MBP: variants seen among roughly 807,000 people sequenced by gnomAD.
MBP encodes myelin basic protein.
Under a neutral mutation model 35.8 loss-of-function variants are expected in MBP, and 16 were observed. The ratio of observed to expected loss-of-function variants is 0.45; its 90% CI spans 0.30 to 0.68. The LOEUF (loss-of-function observed/expected upper bound fraction) is 0.68, where lower values mean the gene tolerates loss of function less well. Among genes scored for constraint, MBP ranks in the 30% least tolerant of loss-of-function variants. The probability of loss-of-function intolerance (pLI) is 0.08; values close to 1 mark genes in which losing one functional copy is unlikely to be tolerated. For synonymous variants in MBP, 143 were observed against 159.6 expected (o/e 0.90, Z 0.78); for missense variants, 380 against 404.7 (o/e 0.94, Z 0.52).
intron 1 of MBP, among the ~76,000 whole-genome samples, chr18:77,129,501 C>A (rs568138696): frequency 6.6e-6 from 1 of 152,350 alleles, no homozygotes; most frequent in African/African-American, 2.4e-5. Flanking sequence ...TAATGTGTAT[C>A]TCCACCTGCT....
chr18:77,121,309 C>CAAAA (rs11331748), intron 1 of MBP, among the ~76,000 whole-genome samples: 1 of 143,748 alleles, frequency 7.0e-6, no homozygotes, highest in South Asian at 2.2e-4. Context: ...GACTGTGTCT[C>CAAAA]AAAAAAAAAA....
intron 4 of MBP, among the ~76,000 whole-genome samples, chr18:77,008,273 A>C (rs1328872421): frequency 1.3e-5 from 2 of 152,084 alleles, no homozygotes; most frequent in Admixed American, 1.3e-4. Flanking sequence ...CCTCCCAGGC[A>C]GGGGCTGGTG....
At position 77,029,038 on chromosome 18, in the gene MBP, A is replaced by T. The variant is rs1246672560; in HGVS notation, c.140-11770T>A. Among the ~76,000 whole-genome samples, 360 of 106,784 alleles carry T rather than the reference A, an allele frequency of 3.4e-3. 65 individuals carry two copies. The highest frequency in any genetic ancestry group is 6.6e-3 in the Non-Finnish European group (277 of 41,820). The allele number at this position is 106,784 out of a possible 152,430, so 70.1% of individuals were successfully genotyped here. ...GCCGGGCAGAGGCTGCAATCTCGGCACTTTGGGAGGCCAAGGCAGGCGGCT... is the reference window on the plus strand; with the variant it reads ...GCCGGGCAGAGGCTGCAATCTCGGCTCTTTGGGAGGCCAAGGCAGGCGGCT... On this transcript the variant is annotated intron_variant, in intron 3 of 8. Transcript: ENST00000355994.
intron 3 of MBP, among the ~76,000 whole-genome samples, chr18:77,037,176 A>C (rs1212714281): frequency 6.8e-6 from 1 of 148,138 alleles, no homozygotes; most frequent in Non-Finnish European, 1.5e-5. Flanking sequence ...AGAGCTGAGC[A>C]AGTGCTGGTC....
At chr18:77,018,957 TATCCATTCATCCATCCATCCATCCATCC>T (rs1971849159) in intron 3 of MBP, among the ~76,000 whole-genome samples, 2 of 61,118 alleles carry the variant, frequency 3.3e-5, no homozygotes, top group African/African-American at 6.7e-5. Flanking sequence ...TCCATCCATC[TATCCATTCATCCATCCATCCATCCATCC>T]ATCCATCCAT....
chr18:77,062,619 C>T (rs962942408), intron 3 of MBP, among the ~76,000 whole-genome samples: 1 of 152,024 alleles, frequency 6.6e-6, no homozygotes, highest in Non-Finnish European at 1.5e-5. Flanking sequence ...ACATGAAGGG[C>T]AAATAAAACT....
intron 2 of MBP, among the ~76,000 whole-genome samples, chr18:77,089,294 T>G (rs1395103189): frequency 6.6e-6 from 1 of 152,210 alleles, no homozygotes; most frequent in Non-Finnish European, 1.5e-5. Flanking sequence ...GTGTCAGATG[T>G]CAAGTGTGCG....
At chr18:77,083,353 G>A (rs1033200437) in intron 2 of MBP, among the ~76,000 whole-genome samples, 7 of 152,144 alleles carry the variant, frequency 4.6e-5, no homozygotes, top group African/African-American at 1.7e-4. Flanking sequence ...AAATTACAAC[G>A]ACGTCCAGGA....
intron 2 of MBP, among the ~76,000 whole-genome samples, chr18:77,078,589 T>C (rs1432076018): frequency 3.9e-5 from 6 of 152,240 alleles, no homozygotes; most frequent in African/African-American, 1.2e-4. Context: ...CGAAGCCGTC[T>C]TCCCATGAGG....
intron 4 of MBP, chr18:77,012,684 G>T: frequency 1.6e-6 from 1 of 630,024 alleles, no homozygotes; most frequent in Non-Finnish European, 2.0e-6. Flanking sequence ...CCTGCCAGCT[G>T]TGTCACCAGG....
chr18:77,101,751 G>C lies in MBP; in HGVS notation c.51+3460C>G, dbSNP rs1015892903. Among the ~76,000 whole-genome samples the C allele has an allele frequency of 6.6e-6, 1 of 152,158 alleles. No individual in the cohort carries two copies. The highest frequency in any genetic ancestry group is 1.5e-5 in the Non-Finnish European group (1 of 68,040). The stretch of plus-strand genomic sequence containing the variant: ...GCCGTGGCTTATTCGGGATGAGAGA[G>C]AAGCAAATTTCAAAGCCCTGAGTCA... On this transcript the variant is annotated intron_variant, in intron 2 of 8. Coordinates refer to ENST00000355994, the MANE Select transcript of MBP (RefSeq NM_001025101.2). This position sits in a 1 kb window ranked among gnomAD's most constrained non-coding sequence, Gnocchi z 4.3.
intron 3 of MBP, among the ~76,000 whole-genome samples, chr18:77,032,743 C>T (rs1455103173): frequency 6.6e-6 from 1 of 152,212 alleles, no homozygotes; most frequent in Non-Finnish European, 1.5e-5. Flanking sequence ...GTGAATTTCA[C>T]AGTGACTTGT....
chr18:76,979,594 C>T lies in MBP; in HGVS notation c.*833G>A, dbSNP rs1461517100. The T allele has an allele frequency of 1.8e-5, 5 of 275,236 alleles. No homozygotes were observed. The highest frequency in any genetic ancestry group is 4.7e-5 in the South Asian group (1 of 21,340). 17.0% of individuals were successfully genotyped at this position (275,236 alleles called of 1,614,324 possible). On this transcript the variant is annotated 3_prime_UTR_variant, in exon 9 of 9. Coordinates refer to ENST00000355994, the MANE Select transcript of MBP (RefSeq NM_001025101.2). Reference sequence around the variant, plus strand: ...CCGGCTGTGGGCTGTGGTTTGGAAACGAGGTTGTTCATAGAGGCTGCTCTG... The same window carrying T: ...CCGGCTGTGGGCTGTGGTTTGGAAATGAGGTTGTTCATAGAGGCTGCTCTG...
chr18:77,078,047 C>T (rs918818611), intron 2 of MBP, among the ~76,000 whole-genome samples: 2 of 152,196 alleles, frequency 1.3e-5, no homozygotes, highest in African/African-American at 4.8e-5. Context: ...CCGCCATGGG[C>T]CTCCTTATCT....
At chr18:77,013,330 T>A in intron 4 of MBP, 1 of 985,432 alleles carries the variant, frequency 1.0e-6, no homozygotes, top group Non-Finnish European at 1.2e-6. Flanking sequence ...AGGACACCCC[T>A]GTGTGTTGCT....
rs58618620 is a variant in MBP, at chr18:77,018,964, T to TCATCCATCCATCCATC, written c.140-1712_140-1697dup. Among the ~76,000 whole-genome samples the TCATCCATCCATCCATC allele has an allele frequency of 1.0e-3, 128 of 122,572 alleles. 3 individuals are homozygous for TCATCCATCCATCCATC. The highest frequency in any genetic ancestry group is 5.0e-3 in the East Asian group (20 of 4,016). 80.4% of individuals were successfully genotyped at this position (122,572 alleles called of 152,430 possible). The stretch of plus-strand genomic sequence containing the variant: ...CCTGTTCATCCATCCATCTATCCAT[T>TCATCCATCCATCCATC]CATCCATCCATCCATCCATCCATCC... On this transcript the variant is annotated intron_variant, in intron 3 of 8. Coordinates refer to ENST00000355994, the MANE Select transcript of MBP (RefSeq NM_001025101.2).
At chr18:77,004,746 G>C (rs1001760703) in intron 4 of MBP, 1 of 152,414 alleles carries the variant, frequency 6.6e-6, no homozygotes, top group Non-Finnish European at 1.5e-5. Flanking sequence ...TTGTGTGTGT[G>C]GTTTCCCTTC....
At chr18:77,109,543 G>A (rs7244713) in intron 1 of MBP, 29,503 of 152,256 alleles carry the variant, frequency 0.19, 3,119 homozygotes, top group East Asian at 0.42. Context: ...AATTTTACAA[G>A]CAATGGGATT....
intron 2 of MBP, among the ~76,000 whole-genome samples, chr18:77,095,069 A>G (rs1360652723): frequency 2.6e-5 from 4 of 152,180 alleles, no homozygotes; most frequent in Non-Finnish European, 5.9e-5. Context: ...GCCTACTAAG[A>G]GATCGTCTAA....
Sources: gnomAD v4.1 joint callset for allele counts (sites outside exome capture counted in the v4.1 genomes callset) on GRCh38, gnomAD v4.1.1 for gene constraint, Gnocchi (gnomAD v3.1) non-coding constraint, MANE v1.5 for transcripts, NCBI Gene and HGNC (gene_info 2026-07-23, HGNC 2026-07-21) for gene names.